Variants in B3GALT1 observed in about 807,000 individuals in gnomAD.
B3GALT1 encodes UDP-Gal:betaGlcNAc beta 1,3-galactosyltransferase, polypeptide 1.
In B3GALT1, 10 loss-of-function variants were observed where a neutral mutation model predicts 23.2. That is an observed-to-expected ratio of 0.43 (90% confidence interval 0.27 to 0.73). B3GALT1 has a LOEUF of 0.73. Ranked by LOEUF, B3GALT1 falls within the 30% of genes least tolerant of loss-of-function variation. B3GALT1 has a pLI of 0.21. For missense variants in B3GALT1, 299 were observed against 405.4 expected (o/e 0.74, Z 2.25); for synonymous variants, 156 against 141.5 (o/e 1.10, Z -0.73).
chr2:167,322,474 A>G (rs1696829073), intron 1 of B3GALT1, among the ~76,000 whole-genome samples: 1 of 152,008 alleles, frequency 6.6e-6, no homozygotes, highest in Non-Finnish European at 1.5e-5. Context: ...ATAAAATAAT[A>G]GTTTTTCTGA....
intron 3 of B3GALT1, among the ~76,000 whole-genome samples, chr2:167,747,801 G>T (rs1033109570): frequency 3.3e-5 from 5 of 152,174 alleles, no homozygotes; most frequent in African/African-American, 1.2e-4. Context: ...GTATGAAGGC[G>T]TCAGAATGGG....
chr2:167,346,780 G>A lies in B3GALT1; in HGVS notation c.-511+53446G>A, dbSNP rs1037490279. Among the ~76,000 whole-genome samples the A allele has an allele frequency of 2.0e-5, 3 of 151,758 alleles. No homozygotes were observed. The East Asian group carries it at 5.8e-4, about 30-fold the overall frequency. On this transcript the variant is annotated intron_variant, in intron 1 of 4. Coordinates refer to ENST00000392690, the MANE Select transcript of B3GALT1 (RefSeq NM_020981.4). Reference sequence around the variant, plus strand: ...GTGGTGCGTGTGTGTGTGTGTGCGTGTGTGTGCGTATACCTGTAATTTAGT... The same window carrying A: ...GTGGTGCGTGTGTGTGTGTGTGCGTATGTGTGCGTATACCTGTAATTTAGT...
At chr2:167,694,647 A>G (rs938399904) in intron 3 of B3GALT1, among the ~76,000 whole-genome samples, 9 of 152,162 alleles carry the variant, frequency 5.9e-5, no homozygotes, top group Admixed American at 1.3e-4. Context: ...CACTAAGATA[A>G]CAAAAATGGA....
chr2:167,561,476 A>G (rs1254378675), intron 2 of B3GALT1, among the ~76,000 whole-genome samples: 1 of 152,074 alleles, frequency 6.6e-6, no homozygotes, highest in African/African-American at 2.4e-5. Flanking sequence ...TGAAGGAAAT[A>G]GAGACACAAA....
chr2:167,717,239 A>C (rs1456261722), intron 3 of B3GALT1, among the ~76,000 whole-genome samples: 1 of 77,052 alleles, frequency 1.3e-5, no homozygotes, highest in Non-Finnish European at 2.2e-5. Context: ...CTTTATATTG[A>C]TCATAGATAT....
chr2:167,443,286 T>G (rs1297511011), intron 1 of B3GALT1, among the ~76,000 whole-genome samples: 1 of 152,214 alleles, frequency 6.6e-6, no homozygotes, highest in African/African-American at 2.4e-5. Context: ...AGCCTTGTAG[T>G]ATAGTTTGAA....
intron 2 of B3GALT1, among the ~76,000 whole-genome samples, chr2:167,531,887 G>T (rs1363796085): frequency 1.3e-5 from 2 of 152,094 alleles, no homozygotes; most frequent in East Asian, 1.9e-4. Context: ...GGCTCAATGG[G>T]TTTTTTCTGC....
Position 167,692,071 on chromosome 2 carries a change from T to C in B3GALT1, c.-352+45105T>C, listed in dbSNP as rs545656674. ...CATTGCTGCTCATTAGGCTAATTAG[T>C]AACCTCTAGCTGTGGCCAGGTGTAT... On this transcript the variant is annotated intron_variant, in intron 3 of 4. Transcript: ENST00000392690. Among the ~76,000 whole-genome samples, 24 of 152,252 alleles carry C rather than the reference T, an allele frequency of 1.6e-4. No individual in the cohort carries two copies. In the South Asian group the frequency reaches 2.7e-3, roughly 17 times the overall value.
chr2:167,610,910 CAAAA>C (rs67057122), intron 2 of B3GALT1, among the ~76,000 whole-genome samples: 1 of 91,976 alleles, frequency 1.1e-5, no homozygotes, highest in Non-Finnish European at 2.0e-5. Context: ...TTTATTTGTA[CAAAA>C]AAAAAAAAAA....
chr2:167,495,815 T>C (rs533863138), intron 2 of B3GALT1, among the ~76,000 whole-genome samples: 12 of 152,224 alleles, frequency 7.9e-5, no homozygotes, highest in African/African-American at 2.2e-4. Flanking sequence ...AATCAATGTT[T>C]CGTATGGTGA....
chr2:167,348,041 C>G (rs1697251984), intron 1 of B3GALT1, among the ~76,000 whole-genome samples: 1 of 152,140 alleles, frequency 6.6e-6, no homozygotes, highest in South Asian at 2.1e-4. Flanking sequence ...ATTTCTGAAT[C>G]TTTGTTTCAT....
intron 3 of B3GALT1, among the ~76,000 whole-genome samples, chr2:167,808,318 G>A (rs1406332359): frequency 6.6e-6 from 1 of 151,448 alleles, no homozygotes; most frequent in East Asian, 1.9e-4. Flanking sequence ...GGTTAATATT[G>A]TTATGTGTGA....
At chr2:167,473,918 T>C (rs1005843945) in intron 1 of B3GALT1, among the ~76,000 whole-genome samples, 3 of 152,180 alleles carry the variant, frequency 2.0e-5, no homozygotes, top group African/African-American at 7.2e-5. Flanking sequence ...CCACCCATTA[T>C]TTTCAGATCT....
chr2:167,717,397 G>A (rs1418817849), intron 3 of B3GALT1, among the ~76,000 whole-genome samples: 3 of 151,398 alleles, frequency 2.0e-5, no homozygotes, highest in Admixed American at 6.6e-5. Context: ...CCATTAACTC[G>A]TCATTTAGCA....
chr2:167,808,813 G>A (rs1226267543), intron 3 of B3GALT1, among the ~76,000 whole-genome samples: 5 of 152,034 alleles, frequency 3.3e-5, no homozygotes, highest in African/African-American at 1.2e-4. Flanking sequence ...TGTATTTCCC[G>A]AATTTGAATG....
intron 1 of B3GALT1, among the ~76,000 whole-genome samples, chr2:167,459,781 C>T (rs1196058874): frequency 6.6e-6 from 1 of 152,122 alleles, no homozygotes; most frequent in African/African-American, 2.4e-5. Context: ...TCTTGCAGAG[C>T]AGGTGCAGTG....
At chr2:167,624,687 A>G (rs1244391747) in intron 2 of B3GALT1, among the ~76,000 whole-genome samples, 1 of 152,026 alleles carries the variant, frequency 6.6e-6, no homozygotes, top group East Asian at 1.9e-4. Context: ...ACTGATTTAA[A>G]TAGGTGGGAT....
chr2:167,584,292 A>G (rs1364080636), intron 2 of B3GALT1, among the ~76,000 whole-genome samples: 4 of 152,170 alleles, frequency 2.6e-5, no homozygotes, highest in African/African-American at 4.8e-5. Flanking sequence ...GTAAAAGGAA[A>G]CACAGAGATG....
Position 167,765,043 on chromosome 2 carries a change from C to T in B3GALT1, c.-351-53629C>T, listed in dbSNP as rs557422344. Reference sequence around the variant, plus strand: ...CCCACCTGCATCAGAAAACCGTTCACGCTGGCATTTTGGAAGGAGTAGGGA... The same window carrying T: ...CCCACCTGCATCAGAAAACCGTTCATGCTGGCATTTTGGAAGGAGTAGGGA... On this transcript the variant is annotated intron_variant, in intron 3 of 4. Coordinates refer to ENST00000392690, the MANE Select transcript of B3GALT1 (RefSeq NM_020981.4). Among the ~76,000 whole-genome samples the T allele has an allele frequency of 2.7e-4, 41 of 152,248 alleles. 1 individual carries two copies. The South Asian group carries it at 8.1e-3, about 30-fold the overall frequency.
Sources: gnomAD v4.1 joint callset for allele counts (sites outside exome capture counted in the v4.1 genomes callset) on GRCh38, gnomAD v4.1.1 for gene constraint, MANE v1.5 for transcripts, NCBI Gene and HGNC (gene_info 2026-07-23, HGNC 2026-07-21) for gene names.